The following CLN5 variants were observed in gnomAD, a reference collection of about 807,000 sequenced individuals.
The protein encoded by CLN5 is bis(monoacylglycero)phosphate synthase CLN5.
In CLN5, 34 loss-of-function variants were observed where a neutral mutation model predicts 36.7. That is an observed-to-expected ratio of 0.93 (90% confidence interval 0.71 to 1.23). The LOEUF is 1.23. Ranked by LOEUF, CLN5 falls within the 50% of genes most tolerant of loss-of-function variation. The pLI is 0.00. For synonymous variants in CLN5, 151 were observed against 155.1 expected (o/e 0.97, Z 0.20); for missense variants, 427 against 439.4 (o/e 0.97, Z 0.25).
rs1273768963 is a variant in CLN5 at position 76,993,038 on chromosome 13, A to G, written c.173+767A>G. ...GAAAACAGCTATTTTTCTTTAAACC[A>G]AAAGCATCATTGGACATAATTTTAA... is the stretch of plus-strand genomic sequence containing the variant. On this transcript the variant is annotated intron_variant, in intron 1 of 3. Coordinates refer to ENST00000377453, the MANE Select transcript of CLN5 (RefSeq NM_006493.4). The G allele has an allele frequency of 2.6e-5, 4 of 152,288 alleles. No homozygotes were observed. In the East Asian group the frequency reaches 5.8e-4, roughly 22 times the overall value. 9.4% of individuals were successfully genotyped at this position (152,288 alleles called of 1,614,324 possible).
Position 77,000,771 on chromosome 13 carries a change from C to T in CLN5, c.879C>T (p.Tyr293=). 1 of 1,613,220 alleles carries T rather than the reference C, an allele frequency of 6.2e-7. No individual in the cohort carries two copies. The highest frequency in any genetic ancestry group is 8.5e-7 in the Non-Finnish European group (1 of 1,179,708). ...GTTTAGCCATAAAAAGATTTTATTA[C>T]CCCTTCAAACCACATTTGCCAACTA... ...TLGLAIKRFY[Y]PFKPHLPTKE... is the part of the protein sequence containing the mutation. The change falls in exon 4 of 4, where the codon TAC becomes TAT. Residue 293 remains tyrosine (Y), a synonymous_variant. Coordinates refer to ENST00000377453, the MANE Select transcript of CLN5 (RefSeq NM_006493.4).
chr13:76,996,673 C>T (rs763933532), intron 3 of CLN5: 6 of 156,628 alleles, frequency 3.8e-5, no homozygotes, highest in Non-Finnish European at 5.6e-5. Flanking sequence ...GGTATATATA[C>T]ACCACATTTT....
In CLN5 at chr13:77,002,422, G is replaced by C. The variant is rs150664736; in HGVS notation, c.*1453G>C. The C allele has an allele frequency of 1.3e-5, 2 of 152,306 alleles. No homozygotes were observed. The highest frequency in any genetic ancestry group is 4.8e-5 in the African/African-American group (2 of 41,554). The allele number at this position is 152,306 out of a possible 1,614,324, so 9.4% of individuals were successfully genotyped here. On this transcript the variant is annotated 3_prime_UTR_variant, in exon 4 of 4. Transcript: ENST00000377453. ...CCAACCAGATGTTACTGGTCTGTGAGGAAATAAGTACAGATACTGACAGGA... is the reference window on the plus strand; with the variant it reads ...CCAACCAGATGTTACTGGTCTGTGACGAAATAAGTACAGATACTGACAGGA...
rs1593910113 is a variant in CLN5, at chr13:76,995,097, T to C, written c.208T>C (p.Cys70Arg). 1.2e-6 allele frequency: 2 copies of C among 1,614,118 alleles called. No homozygotes were observed. Among genetic ancestry groups the C allele is most frequent in the Non-Finnish European group, 1.7e-6 (2 of 1,180,010 alleles). ...CTTCCGTCCAAAACCTGATCCTTATTGTCAAGCTAAGTATACTTTCTGTCC... is the reference window on the plus strand; with the variant it reads ...CTTCCGTCCAAAACCTGATCCTTATCGTCAAGCTAAGTATACTTTCTGTCC... ...FDFRPKPDPY[C>R]QAKYTFCPTG... The change falls in exon 2 of 4, where the codon TGT becomes CGT. Residue 70 changes from cysteine to arginine, a missense_variant. Cys to Arg is a radical substitution (Grantham distance 180). Transcript: ENST00000377453.
chr13:76,994,973 T>C (rs2034239832), intron 1 of CLN5, 90 bp from the exon 2 acceptor site: 1 of 1,166,456 alleles, frequency 8.6e-7, no homozygotes, highest in Non-Finnish European at 1.3e-6. Flanking sequence ...CTTTGAATGG[T>C]CCCCTAAAAA....
In CLN5 at chr13:77,004,008, A is replaced by G. The variant is rs2034406486; in HGVS notation, c.*3039A>G. On this transcript the variant is annotated 3_prime_UTR_variant, in exon 4 of 4. Transcript: ENST00000377453. ...TAGTCTGACTAGGGCTTTAGAGTGAATATATCTCCTCATTAATCTGGCACA... is the reference window on the plus strand; with the variant it reads ...TAGTCTGACTAGGGCTTTAGAGTGAGTATATCTCCTCATTAATCTGGCACA... The G allele has an allele frequency of 6.6e-6, 1 of 152,354 alleles. No individual in the cohort carries two copies. The highest frequency in any genetic ancestry group is 2.1e-4 in the South Asian group (1 of 4,832). The allele number at this position is 152,354 out of a possible 1,614,324, so 9.4% of individuals were successfully genotyped here. A position where few individuals can be genotyped will look rare whatever the true frequency, so the allele number is the denominator to read the frequency against.
rs1199157622 is a variant in CLN5 at position 77,003,066 on chromosome 13, CTG to C, written c.*2098_*2099del. ...CCTGTAATCCTATCACTTTGCGAAACTGAGGTGGTGGAAGGATCACTGAAGGT... is the reference window on the plus strand; with the variant it reads ...CCTGTAATCCTATCACTTTGCGAAACAGGTGGTGGAAGGATCACTGAAGGT... On this transcript the variant is annotated 3_prime_UTR_variant, in exon 4 of 4. Coordinates refer to ENST00000377453, the MANE Select transcript of CLN5 (RefSeq NM_006493.4). 1 of 151,650 alleles carries C rather than the reference CTG, an allele frequency of 6.6e-6. No individual in the cohort carries two copies. Among genetic ancestry groups the C allele is most frequent in the East Asian group, 1.9e-4 (1 of 5,154 alleles). The allele number at this position is 151,650 out of a possible 1,614,324, so 9.4% of individuals were successfully genotyped here.
rs1177753916 is a variant in CLN5 at position 77,005,082 on chromosome 13, T to C, written c.*4113T>C. The C allele has an allele frequency of 1.3e-5, 2 of 152,250 alleles. No homozygotes were observed. Among genetic ancestry groups the C allele is most frequent in the East Asian group, 1.9e-4 (1 of 5,184 alleles). The allele number at this position is 152,250 out of a possible 1,614,324, so 9.4% of individuals were successfully genotyped here. A position where few individuals can be genotyped will look rare whatever the true frequency, so the allele number is the denominator to read the frequency against. On this transcript the variant is annotated 3_prime_UTR_variant, in exon 4 of 4. Transcript: ENST00000377453. ...GTAGGTTTTAAATTTCCTATTTCTTTAGGCATCAGAGCTTATTTCAAGAAT... is the reference window on the plus strand; with the variant it reads ...GTAGGTTTTAAATTTCCTATTTCTTCAGGCATCAGAGCTTATTTCAAGAAT...
In CLN5 at chr13:76,994,785, C is replaced by G. The variant is rs375775943; in HGVS notation, c.174-278C>G. 5 of 361,254 alleles carry G rather than the reference C, an allele frequency of 1.4e-5. No individual in the cohort carries two copies. In the East Asian group the frequency reaches 1.8e-4, roughly 13 times the overall value. 22.4% of individuals were successfully genotyped at this position (361,254 alleles called of 1,614,324 possible). On this transcript the variant is annotated intron_variant, in intron 1 of 3. Coordinates refer to ENST00000377453, the MANE Select transcript of CLN5 (RefSeq NM_006493.4). ...TGCAAATGTCTACTATGATCTGGAGCTATAAAAATTTTAAGACAAAATTCC... is the reference window on the plus strand; with the variant it reads ...TGCAAATGTCTACTATGATCTGGAGGTATAAAAATTTTAAGACAAAATTCC...
In CLN5 at chr13:77,000,796, A is replaced by G. The variant is rs1060502320; in HGVS notation, c.904A>G (p.Lys302Glu). 4.5e-5 allele frequency: 73 copies of G among 1,612,440 alleles called. No homozygotes were observed. The highest frequency in any genetic ancestry group is 6.0e-5 in the Non-Finnish European group (71 of 1,179,496). The part of the protein sequence containing the change: ...YYPFKPHLPT[K>E]EFLLSLLQIF... ...CCCCTTCAAACCACATTTGCCAACT[A>G]AAGAATTTCTGTTGAGTCTCTTGCA... The change falls in exon 4 of 4, where the codon AAA becomes GAA. Residue 302 changes from lysine to glutamate, a missense_variant. Physicochemically the swap from Lys to Glu is moderately conservative, Grantham distance 56. Transcript: ENST00000377453.
Position 76,995,125 on chromosome 13 carries a change from C to T in CLN5, c.236C>T (p.Thr79Ile). ...CAAGCTAAGTATACTTTCTGTCCAACTGGCTCACCTATCCCAGTTATGGAG... is the reference window on the plus strand; with the variant it reads ...CAAGCTAAGTATACTTTCTGTCCAATTGGCTCACCTATCCCAGTTATGGAG... ...YCQAKYTFCP[T>I]GSPIPVMEGD... The change falls in exon 2 of 4, where the codon ACT (threonine) becomes ATT (isoleucine). Residue 79 changes from threonine to isoleucine, a missense_variant. By Grantham distance (89) the Thr-to-Ile change is moderately conservative. Coordinates refer to ENST00000377453, the MANE Select transcript of CLN5 (RefSeq NM_006493.4). 6.2e-7 allele frequency: 1 copy of T among 1,614,134 alleles called. No individual in the cohort carries two copies. Among genetic ancestry groups the T allele is most frequent in the Non-Finnish European group, 8.5e-7 (1 of 1,179,984 alleles).
chr13:77,000,668 T>A lies in CLN5; in HGVS notation c.776T>A (p.Ile259Lys), dbSNP rs760212878. ...AACATAGAAACCAACTATACAAGAA[T>A]ATTTCTTTACAGTGGAGAACCTACT... ...FKNIETNYTR[I>K]FLYSGEPTYL... Residue 259 changes from isoleucine (I) to lysine (K), a missense_variant, in exon 4 of 4, where the codon ATA becomes AAA. Transcript: ENST00000377453. 6.2e-7 allele frequency: 1 copy of A among 1,614,084 alleles called. No homozygotes were observed. Among genetic ancestry groups the A allele is most frequent in the Non-Finnish European group, 8.5e-7 (1 of 1,179,984 alleles).
At chr13:76,998,117 C>T (rs1467034135) in intron 3 of CLN5, 1 of 152,248 alleles carries the variant, frequency 6.6e-6, no homozygotes, top group Non-Finnish European at 1.5e-5. Context: ...GCAGTTACGC[C>T]CCATTGCCCA....
At position 77,002,811 on chromosome 13, in the gene CLN5, T is replaced by G. The variant is rs1452093126; in HGVS notation, c.*1842T>G. On this transcript the variant is annotated 3_prime_UTR_variant, in exon 4 of 4. Coordinates refer to ENST00000377453, the MANE Select transcript of CLN5 (RefSeq NM_006493.4). ...GTGGCTAAACTCAGGCAACACGAAC[T>G]TCTACCAAACTCAGGAAATTGCTCT... 1.3e-5 allele frequency: 2 copies of G among 152,214 alleles called. No homozygotes were observed. 9.4% of individuals were successfully genotyped at this position (152,214 alleles called of 1,614,324 possible).
At chr13:76,998,075 T>C (rs559311537) in intron 3 of CLN5, 2 of 152,416 alleles carry the variant, frequency 1.3e-5, no homozygotes, top group East Asian at 3.8e-4. Context: ...AGGTTAAAGT[T>C]ACACAGCTTA....
In CLN5 at chr13:76,992,250, G is replaced by A. The variant is rs367952803; in HGVS notation, c.152G>A (p.Arg51His). Reference sequence around the variant, plus strand: ...CGGGTCTCGGGCATCCCCTCCCGGCGCCACTGGCCGGTGCCCTACAAGTGA... The same window carrying A: ...CGGGTCTCGGGCATCCCCTCCCGGCACCACTGGCCGGTGCCCTACAAGTGA... The part of the protein sequence containing the change: ...WSRVSGIPSR[R>H]HWPVPYKRFD... Residue 51 changes from arginine to histidine, a missense_variant, in exon 1 of 4, where the codon CGC (arginine) becomes CAC (histidine). Physicochemically the swap from Arg to His is conservative, Grantham distance 29. Transcript: ENST00000377453. 163 of 1,581,062 alleles carry A rather than the reference G, an allele frequency of 1.0e-4. No individual in the cohort carries two copies. Among genetic ancestry groups the A allele is most frequent in the Non-Finnish European group, 1.3e-4 (157 of 1,170,014 alleles).
intron 1 of CLN5, 88 bp downstream of exon 1, chr13:76,992,359 G>A (rs2034195386): frequency 1.5e-6 from 2 of 1,372,934 alleles, no homozygotes; most frequent in South Asian, 2.8e-5. Context: ...CCTGCTCACC[G>A]TGGTTTGTGT....
At chr13:76,995,330 C>G in intron 2 of CLN5, 102 bp downstream of exon 2, 1 of 1,053,778 alleles carries the variant, frequency 9.5e-7, no homozygotes, top group Non-Finnish European at 1.5e-6. Flanking sequence ...GACTTTAGAT[C>G]ATGTTGGTGT....
In CLN5 at chr13:76,996,004, C is replaced by T. The variant is rs752563013; in HGVS notation, c.442C>T (p.His148Tyr). The change falls in exon 3 of 4, where the codon CAT becomes TAT. Residue 148 changes from histidine (H) to tyrosine (Y), a missense_variant. Coordinates refer to ENST00000377453, the MANE Select transcript of CLN5 (RefSeq NM_006493.4). ...LFQLGNCTFP[H>Y]LRPEMDAPFW... is the part of the protein sequence containing the mutation. The stretch of plus-strand genomic sequence containing the variant: ...CCAACTTGGCAACTGTACATTTCCC[C>T]ATCTCCGACCTGAAATGGATGCCCC... 4.2e-5 allele frequency: 67 copies of T among 1,614,202 alleles called. No individual in the cohort carries two copies. In the South Asian group the frequency reaches 4.4e-4, roughly 11 times the overall value.
Sources: gnomAD v4.1 joint callset for allele counts on GRCh38, gnomAD v4.1.1 for gene constraint, MANE v1.5 for transcripts, NCBI Gene and HGNC (gene_info 2026-07-23, HGNC 2026-07-21) for gene names.